PWWP2A: variants seen among roughly 807,000 people sequenced by gnomAD.
PWWP2A encodes the protein PWWP domain-containing protein 2A.
Under a neutral mutation model 48.5 loss-of-function variants are expected in PWWP2A, and 18 were observed. The observed-to-expected ratio is 0.37, with a 90% CI of 0.26 to 0.55. The LOEUF (loss-of-function observed/expected upper bound fraction) is 0.55, where lower values mean the gene tolerates loss of function less well. PWWP2A is among the 20% of genes least tolerant of loss of function. PWWP2A has a pLI of 0.81. For missense variants in PWWP2A, 867 were observed against 976.4 expected (o/e 0.89, Z 1.49); for synonymous variants, 396 against 387.7 (o/e 1.02, Z -0.25).
At chr5:160,108,439 A>C (rs1581256451) in intron 1 of PWWP2A, 5 of 486,802 alleles carry the variant, frequency 1.0e-5, no homozygotes, top group Middle Eastern at 6.7e-4. Flanking sequence ...TCACCAAAAA[A>C]ATATTACTTA....
intron 1 of PWWP2A, among the ~76,000 whole-genome samples, chr5:160,097,707 G>T (rs796338263): frequency 1.7e-3 from 28 of 16,102 alleles, no homozygotes; most frequent in Admixed American, 4.3e-3. Context: ...TTTTTTTTTT[G>T]GGGGGGGGGG....
intron 1 of PWWP2A, among the ~76,000 whole-genome samples, chr5:160,098,011 G>A (rs940079709): frequency 3.3e-5 from 5 of 152,164 alleles, no homozygotes; most frequent in African/African-American, 1.2e-4. Context: ...ACTGCAACCA[G>A]CCAATTTTGC....
chr5:160,095,583 G>A (rs933884099), intron 1 of PWWP2A, among the ~76,000 whole-genome samples: 1 of 151,822 alleles, frequency 6.6e-6, no homozygotes, highest in African/African-American at 2.4e-5. Flanking sequence ...ATTGGCTTCA[G>A]GTAGTCAGTC....
chr5:160,071,682 C>G (rs1753742627), downstream of PWWP2A, among the ~76,000 whole-genome samples: 1 of 152,186 alleles, frequency 6.6e-6, no homozygotes, highest in African/African-American at 2.4e-5. Context: ...TATCTGTGCT[C>G]TCTCCAGATT....
At chr5:160,082,546 CA>C (rs1210401716) in intron 2 of PWWP2A, among the ~76,000 whole-genome samples, 1 of 152,200 alleles carries the variant, frequency 6.6e-6, no homozygotes, top group African/African-American at 2.4e-5. Context: ...CAATTTTAAG[CA>C]AGGAGAGTCA....
chr5:160,084,463 C>CT (rs1293575561), intron 2 of PWWP2A, among the ~76,000 whole-genome samples: 1 of 152,214 alleles, frequency 6.6e-6, no homozygotes, highest in African/African-American at 2.4e-5. Context: ...GGGTCTCACT[C>CT]TGTCGCCCAA....
Position 160,119,400 on chromosome 5 carries a change from C to T in PWWP2A, c.-12G>A. ...GCCACGGCCGCCATTTTCTTCCTAGCTTCTCCCTCCTCCAACTCCGGCTGC... is the reference window on the plus strand; with the variant it reads ...GCCACGGCCGCCATTTTCTTCCTAGTTTCTCCCTCCTCCAACTCCGGCTGC... On this transcript the variant is annotated 5_prime_UTR_variant, in exon 1 of 2. Coordinates refer to ENST00000307063, the MANE Select transcript of PWWP2A (RefSeq NM_001130864.2). The T allele has an allele frequency of 7.3e-7, 1 of 1,364,578 alleles. No homozygotes were observed. Among genetic ancestry groups the T allele is most frequent in the Middle Eastern group, 1.9e-4 (1 of 5,150 alleles). 84.5% of individuals were successfully genotyped at this position (1,364,578 alleles called of 1,614,324 possible). A position where few individuals can be genotyped will look rare whatever the true frequency, so the allele number is the denominator to read the frequency against.
rs74432582 is a variant in PWWP2A at position 160,095,647 on chromosome 5, A to G, written c.585-1582T>C. On this transcript the variant is annotated intron_variant, in intron 1 of 1. Coordinates refer to ENST00000307063, the MANE Select transcript of PWWP2A (RefSeq NM_001130864.2). Reference sequence around the variant, plus strand: ...TGTTTTATATATGTCTATATTTTCTACACTACAAATCTTCAGTGCTCAGAT... The same window carrying G: ...TGTTTTATATATGTCTATATTTTCTGCACTACAAATCTTCAGTGCTCAGAT... Among the ~76,000 whole-genome samples, 435 of 149,108 alleles carry G rather than the reference A, an allele frequency of 2.9e-3. 16 individuals carry two copies. The East Asian group carries it at 0.073, about 25-fold the overall frequency.
chr5:160,080,613 C>A, intron 3 of PWWP2A: 1 of 1,479,734 alleles, frequency 6.8e-7, no homozygotes, highest in Non-Finnish European at 9.1e-7. Flanking sequence ...TGACATGATG[C>A]CCTCTTCACT....
In PWWP2A at chr5:160,093,365, G is replaced by A. The variant is rs947007878; in HGVS notation, c.1285C>T (p.Arg429Trp). The stretch of plus-strand genomic sequence containing the variant: ...TCTTTGGCAATTTTTAACACTTCCC[G>A]AGCTTTCGCATGATCCATGTTCTTA... Reference protein sequence around the residue: ...QSKNMDHAKAREVLKIAKEKA... With the variant: ...QSKNMDHAKAWEVLKIAKEKA... Residue 429 changes from arginine (R) to tryptophan (W), a missense_variant, in exon 2 of 2, where the codon CGG (arginine) becomes TGG (tryptophan). Around this residue, in one of 4 missense-constraint regions of PWWP2A, gnomAD observed 382 missense variants for 407.2 expected, o/e 0.94. Coordinates refer to ENST00000307063, the MANE Select transcript of PWWP2A (RefSeq NM_001130864.2). This position sits in a 1 kb window ranked among gnomAD's most constrained non-coding sequence, Gnocchi z 5.8. 6.2e-6 allele frequency: 10 copies of A among 1,613,780 alleles called. No homozygotes were observed. Among genetic ancestry groups the A allele is most frequent in the Admixed American group, 1.7e-5 (1 of 60,002 alleles).
Position 160,077,227 on chromosome 5 carries a change from G to A in PWWP2A, c.*928C>T, listed in dbSNP as rs950748585. 7 of 152,260 alleles carry A rather than the reference G, an allele frequency of 4.6e-5. No homozygotes were observed. Among genetic ancestry groups the A allele is most frequent in the African/African-American group, 1.7e-4 (7 of 41,534 alleles). 9.4% of individuals were successfully genotyped at this position (152,260 alleles called of 1,614,324 possible). ...ACCTGTTGGAATTTCTTGCACTTAG[G>A]AGCGGCTCTCTATGGAGAGAGGTCC... On this transcript the variant is annotated 3_prime_UTR_variant, in exon 4 of 4. Transcript: ENST00000456329. The surrounding 1 kb of genome is among the most constrained non-coding windows in gnomAD (Gnocchi z 4.2).
At chr5:160,085,747 C>T (rs865850343) in intron 2 of PWWP2A, among the ~76,000 whole-genome samples, 10 of 151,546 alleles carry the variant, frequency 6.6e-5, no homozygotes, top group East Asian at 3.9e-4. Context: ...CCTCATGATC[C>T]GCCCGCCTTG....
At chr5:160,109,508 T>C (rs575565593) in intron 1 of PWWP2A, among the ~76,000 whole-genome samples, 14 of 151,922 alleles carry the variant, frequency 9.2e-5, no homozygotes, top group Non-Finnish European at 1.5e-4. Context: ...CTGAAGGCTT[T>C]TGCTCTTTGC....
chr5:160,110,114 G>A (rs921065656), intron 1 of PWWP2A, among the ~76,000 whole-genome samples: 16 of 150,598 alleles, frequency 1.1e-4, no homozygotes, highest in East Asian at 6.0e-4. Flanking sequence ...TCCGCCTCCC[G>A]GATTCCAGTG....
intron 2 of PWWP2A, among the ~76,000 whole-genome samples, chr5:160,083,829 A>C (rs760722943): frequency 3.9e-5 from 6 of 152,248 alleles, no homozygotes; most frequent in Non-Finnish European, 7.3e-5. Flanking sequence ...AGTGAGTACC[A>C]GATCACTGGA....
chr5:160,092,618 CAGTT>C lies in PWWP2A; in HGVS notation c.2028_2031del (p.Ile676MetfsTer2). On this transcript the variant is annotated frameshift_variant, in exon 2 of 2. Transcript: ENST00000307063. LOFTEE classifies it high-confidence loss of function. Reference sequence around the variant, plus strand: ...AAAAGGCCGTTATCTTTCCGGCTCACAGTTATAGTAAGAATACGGGCTGGCCACC... The same window carrying C: ...AAAAGGCCGTTATCTTTCCGGCTCACATAGTAAGAATACGGGCTGGCCACC... The C allele has an allele frequency of 6.4e-7, 1 of 1,551,658 alleles. No homozygotes were observed. The highest frequency in any genetic ancestry group is 8.7e-7 in the Non-Finnish European group (1 of 1,146,998).
At chr5:160,057,020 ATC>A (rs567110664), downstream of PWWP2A, among the ~76,000 whole-genome samples, 59 of 151,906 alleles carry the variant, frequency 3.9e-4, no homozygotes, top group African/African-American at 1.4e-3. This position sits in a 1 kb window ranked among gnomAD's most constrained non-coding sequence, Gnocchi z 4.4. Context: ...TCTGCCTGAT[ATC>A]TGTCATTACA....
the PWWP2A span, among the ~76,000 whole-genome samples, chr5:160,056,379 C>A: frequency 6.6e-6 from 1 of 152,198 alleles, no homozygotes; most frequent in African/African-American, 2.4e-5. Flanking sequence ...CACTAGCAAT[C>A]TGATGAGGGC....
chr5:160,061,341 T>C (rs1753389991), downstream of PWWP2A, among the ~76,000 whole-genome samples: 1 of 152,244 alleles, frequency 6.6e-6, no homozygotes, highest in Admixed American at 6.5e-5. Flanking sequence ...AAAGGAATCT[T>C]CCCCTTCCTG....
Sources: allele counts gnomAD v4.1 joint callset (sites outside exome capture counted in the v4.1 genomes callset), GRCh38; gene constraint gnomAD v4.1.1; regional missense constraint gnomAD v4.1.1; non-coding constraint Gnocchi (gnomAD v3.1); transcripts MANE v1.5; gene names NCBI Gene and HGNC (gene_info 2026-07-23, HGNC 2026-07-21).